Variants in ARHGEF16 observed in about 807,000 individuals in gnomAD.
The protein encoded by ARHGEF16 is Rho guanine exchange factor (GEF) 16.
A neutral mutation model predicts 74.1 loss-of-function variants in ARHGEF16; 59 were observed. That is an observed-to-expected ratio of 0.80 (90% confidence interval 0.65 to 0.99). The LOEUF (loss-of-function observed/expected upper bound fraction) is 0.99, where lower values mean the gene tolerates loss of function less well. Among genes scored for constraint, ARHGEF16 ranks in the 50% least tolerant of loss-of-function variants. The pLI is 0.00. For missense variants in ARHGEF16, 948 were observed against 986.6 expected (o/e 0.96, Z 0.52); for synonymous variants, 415 against 412.6 (o/e 1.01, Z -0.07).
chr1:3,464,801 C>T (rs1360188000), intron 2 of ARHGEF16, among the ~76,000 whole-genome samples: 1 of 152,194 alleles, frequency 6.6e-6, no homozygotes, highest in Non-Finnish European at 1.5e-5. Context: ...AAGGTGTGTG[C>T]CAGAGCGTCT....
chr1:3,458,535 A>G (rs1639318629), intron 1 of ARHGEF16, among the ~76,000 whole-genome samples: 1 of 152,338 alleles, frequency 6.6e-6, no homozygotes, highest in Middle Eastern at 3.4e-3. Context: ...GCTTCAGGAT[A>G]TGGACCTGGC....
chr1:3,471,807 G>A, intron 6 of ARHGEF16: 11 of 1,087,180 alleles, frequency 1.0e-5, no homozygotes, highest in Non-Finnish European at 1.3e-5. Context: ...CGGCTGGTGG[G>A]CGGCTCTCCC....
chr1:3,476,022 T>G lies in ARHGEF16; in HGVS notation c.1433T>G (p.Met478Arg), dbSNP rs1353008582. The G allele has an allele frequency of 1.9e-6, 3 of 1,557,242 alleles. No individual in the cohort carries two copies. The highest frequency in any genetic ancestry group is 1.4e-5 in the African/African-American group (1 of 73,526). The change falls in exon 10 of 15, where the codon ATG becomes AGG. Residue 478 changes from methionine to arginine, a missense_variant. Met to Arg is a moderately conservative substitution (Grantham distance 91, BLOSUM62 -1). Coordinates refer to ENST00000378378, the MANE Select transcript of ARHGEF16 (RefSeq NM_014448.4). ...CACAGGATGGAGCGCATGGAGCAGA[T>G]GTACACGCTGCACACACAGCTGGAC... is the stretch of plus-strand genomic sequence containing the variant. The part of the protein sequence containing the change: ...GAHRMERMEQ[M>R]YTLHTQLDFS...
At chr1:3,475,913 T>TGGGCTGTGC (rs1356330683) in intron 9 of ARHGEF16, 57 bp from the exon 10 acceptor site, 1 of 1,500,646 alleles carries the variant, frequency 6.7e-7, no homozygotes, top group Non-Finnish European at 9.0e-7. Context: ...GTGGGCCGTG[T>TGGGCTGTGC]GGGCTGTGCC....
chr1:3,470,594 C>T lies in ARHGEF16; in HGVS notation c.1022+1001C>T, dbSNP rs377276294. On this transcript the variant is annotated intron_variant, in intron 6 of 14. Coordinates refer to ENST00000378378, the MANE Select transcript of ARHGEF16 (RefSeq NM_014448.4). ...GGGTGTGTGTGAGTGGCTGTGTTTT[C>T]GGTCAGGTGTGTGTGAGTGGGTGTG... is the stretch of plus-strand genomic sequence containing the variant. Among the ~76,000 whole-genome samples, 579 of 135,542 alleles carry T rather than the reference C, an allele frequency of 4.3e-3. 4 individuals are homozygous for T. The highest frequency in any genetic ancestry group is 0.015 in the African/African-American group (518 of 35,376). The allele number at this position is 135,542 out of a possible 152,430, so 88.9% of individuals were successfully genotyped here. A position where few individuals can be genotyped will look rare whatever the true frequency, so the allele number is the denominator to read the frequency against.
chr1:3,471,095 C>T (rs1481612073), intron 6 of ARHGEF16, among the ~76,000 whole-genome samples: 5 of 122,096 alleles, frequency 4.1e-5, no homozygotes, highest in South Asian at 2.8e-4. Flanking sequence ...GGTGTGTGTG[C>T]GTGGGTGTGT....
intron 12 of ARHGEF16, 60 bp downstream of exon 12, chr1:3,478,672 C>T (rs1326166288): frequency 1.1e-5 from 16 of 1,511,788 alleles, no homozygotes; most frequent in East Asian, 2.3e-5. Flanking sequence ...CCATGGGGAC[C>T]GGGTTGTCCC....
At chr1:3,461,380 A>T (rs901808822) in intron 1 of ARHGEF16, among the ~76,000 whole-genome samples, 9 of 152,198 alleles carry the variant, frequency 5.9e-5, no homozygotes, top group Admixed American at 2.0e-4. Context: ...CCGTACCTTC[A>T]GGAGGTGGGC....
chr1:3,455,256 T>C (rs1639240322), intron 1 of ARHGEF16, among the ~76,000 whole-genome samples: 1 of 152,104 alleles, frequency 6.6e-6, no homozygotes, highest in Non-Finnish European at 1.5e-5. Flanking sequence ...CCGGGAGCTC[T>C]TTGGGGAATC....
intron 14 of ARHGEF16, 59 bp from the exon 15 acceptor site, chr1:3,480,389 A>C (rs1640022150): frequency 6.3e-7 from 1 of 1,599,978 alleles, no homozygotes. Context: ...AGCAGCTCAG[A>C]GGGGCCGGGG....
chr1:3,464,854 C>T (rs545024285), intron 2 of ARHGEF16, among the ~76,000 whole-genome samples: 1 of 152,340 alleles, frequency 6.6e-6, no homozygotes. Flanking sequence ...AGGCCCAGCT[C>T]CTGCCCAGAC....
At chr1:3,463,706 G>A (rs760116612) in intron 2 of ARHGEF16, 34 bp downstream of exon 2, 78 of 1,364,142 alleles carry the variant, frequency 5.7e-5, no homozygotes, top group Non-Finnish European at 7.3e-5. Flanking sequence ...GTGGGGAGGG[G>A]GCTGCTAGGC....
intron 1 of ARHGEF16, among the ~76,000 whole-genome samples, chr1:3,457,484 G>T (rs1488525214): frequency 6.6e-6 from 1 of 152,244 alleles, no homozygotes; most frequent in Admixed American, 6.5e-5. Flanking sequence ...AGCCCAAGGC[G>T]CTGGCTGGGA....
chr1:3,457,790 G>A lies in ARHGEF16; in HGVS notation c.-20+2979G>A, dbSNP rs940995619. ...CCATGGATTCCGCCTGCTCGCCTCT[G>A]CTGCACGCCTCCTCCTGGCAAGTCC... On this transcript the variant is annotated intron_variant, in intron 1 of 14. Transcript: ENST00000378378. 3.9e-5 allele frequency among the ~76,000 whole-genome samples: 6 copies of A among 152,200 alleles called. 1 individual carries two copies. The highest frequency in any genetic ancestry group is 2.6e-4 in the Admixed American group (4 of 15,284).
In ARHGEF16 at chr1:3,470,458, C is replaced by T. The variant is rs576218332; in HGVS notation, c.1022+865C>T. Among the ~76,000 whole-genome samples the T allele has an allele frequency of 2.2e-3, 318 of 143,070 alleles. 1 individual carries two copies. Among genetic ancestry groups the T allele is most frequent in the African/African-American group, 7.7e-3 (293 of 38,006 alleles). 93.9% of individuals were successfully genotyped at this position (143,070 alleles called of 152,430 possible). On this transcript the variant is annotated intron_variant, in intron 6 of 14. Transcript: ENST00000378378. ...GGGTGTGTATGCATGGTTGTGTGTG[C>T]GCGGGTGTGTGCATGGATGTGTGTG...
chr1:3,478,430 G>T lies in ARHGEF16; in HGVS notation c.1632G>T (p.Glu544Asp). ...VLVVTKKKSE[E>D]SYMVQDYAQM... ...ACTGCCCGTGTCTCCACAGCGAGGA[G>T]AGCTACATGGTCCAGGACTACGCCC... The change falls in exon 12 of 15, where the codon GAG (glutamate) becomes GAT (aspartate). Residue 544 changes from glutamate (E) to aspartate (D), a missense_variant. Glu to Asp is a conservative substitution (Grantham distance 45). Transcript: ENST00000378378. 1.3e-6 allele frequency: 2 copies of T among 1,599,254 alleles called. No homozygotes were observed. The highest frequency in any genetic ancestry group is 1.7e-6 in the Non-Finnish European group (2 of 1,170,138).
intron 1 of ARHGEF16, 63 bp from the exon 2 acceptor site, chr1:3,463,003 G>T (rs1379072298): frequency 8.2e-7 from 1 of 1,214,314 alleles, no homozygotes. Context: ...GGGTAGGGGG[G>T]TGGACACCCG....
chr1:3,458,896 T>C (rs1639326240), intron 1 of ARHGEF16, among the ~76,000 whole-genome samples: 1 of 152,014 alleles, frequency 6.6e-6, no homozygotes, highest in East Asian at 1.9e-4. Context: ...TTGAGGATAA[T>C]GAAAATGATA....
rs574306226 is a variant in ARHGEF16 at position 3,479,885 on chromosome 1, C to T, written c.1962C>T (p.Asp654=). 3.7e-5 allele frequency: 59 copies of T among 1,612,256 alleles called. No homozygotes were observed. The highest frequency in any genetic ancestry group is 1.1e-4 in the African/African-American group (8 of 75,014). The change falls in exon 14 of 15, where the codon GAC becomes GAT. Residue 654 remains aspartate, a synonymous_variant. Transcript: ENST00000378378. ...ACGAGGTCACACTGCAGCAGGCGGA[C>T]GTGGTCCTGGTTCTGCAGCAGGAGG... ...QADEVTLQQA[D]VVLVLQQEDG...
Sources: allele counts gnomAD v4.1 joint callset (sites outside exome capture counted in the v4.1 genomes callset), GRCh38; gene constraint gnomAD v4.1.1; transcripts MANE v1.5; gene names NCBI Gene and HGNC (gene_info 2026-07-23, HGNC 2026-07-21).